Variants in ITGA3 observed in about 807,000 individuals in gnomAD.
ITGA3 encodes integrin subunit alpha 3.
ITGA3 carries 70 observed loss-of-function variants against 131.1 expected under a neutral mutation model. The ratio of observed to expected loss-of-function variants is 0.53; its 90% confidence interval spans 0.44 to 0.65. The LOEUF (loss-of-function observed/expected upper bound fraction) is 0.65. ITGA3 is among the 30% of genes least tolerant of loss of function. ITGA3 has a pLI of 0.00. For missense variants in ITGA3, 1,098 were observed against 1,388.6 expected (o/e 0.79, Z 3.33); for synonymous variants, 537 against 571.6 (o/e 0.94, Z 0.86).
At chr17:50,087,717 G>A in intron 23 of ITGA3, 27 bp from the exon 24 acceptor site, 1 of 1,603,844 alleles carries the variant, frequency 6.2e-7, no homozygotes, top group Non-Finnish European at 8.5e-7. Flanking sequence ...GCTGACACAG[G>A]GCTGAGTCCT....
chr17:50,078,362 A>T, intron 18 of ITGA3, 78 bp downstream of exon 18: 1 of 1,216,184 alleles, frequency 8.2e-7, no homozygotes, highest in East Asian at 2.3e-5. Flanking sequence ...GCTATCTCCC[A>T]AACTCCTCTG....
chr17:50,076,560 T>C lies in ITGA3; in HGVS notation c.1825-24T>C, dbSNP rs2301627. The C allele has an allele frequency of 0.16, 253,019 of 1,610,432 alleles. 26,730 individuals are homozygous for C. The highest frequency in any genetic ancestry group is 0.42 in the African/African-American group (31,684 of 74,848). On this transcript the variant is annotated intron_variant, in intron 13 of 25. Transcript: ENST00000320031. Reference sequence around the variant, plus strand: ...GGGCACTGGGGGGGGTGGTGCGGCCTTCACACCTCCGGCCACCCCCCAGGT... The same window carrying C: ...GGGCACTGGGGGGGGTGGTGCGGCCCTCACACCTCCGGCCACCCCCCAGGT...
intron 18 of ITGA3, 33 bp downstream of exon 18, chr17:50,078,317 C>T (rs998125220): frequency 6.4e-7 from 1 of 1,573,768 alleles, no homozygotes; most frequent in Admixed American, 1.7e-5. Flanking sequence ...CCCACCCCAG[C>T]CTGCTGTGCC....
Position 50,077,031 on chromosome 17 carries a change from C to A in ITGA3, c.1980C>A (p.Thr660=). The A allele has an allele frequency of 1.2e-6, 2 of 1,611,144 alleles. No individual in the cohort carries two copies. The highest frequency in any genetic ancestry group is 1.7e-6 in the Non-Finnish European group (2 of 1,178,594). The part of the protein sequence containing the change: ...KLLLSINVTN[T]RTSERSGEDA... ...TCCTGAGCATCAACGTGACGAACAC[C>A]CGGACCTCGGAGCGCTCCGGGGAGG... The change falls in exon 15 of 26, where the codon ACC becomes ACA. Residue 660 remains threonine, a synonymous_variant. Transcript: ENST00000320031.
chr17:50,081,702 G>T (rs1223183585), intron 23 of ITGA3, among the ~76,000 whole-genome samples: 1 of 152,204 alleles, frequency 6.6e-6, no homozygotes, highest in Non-Finnish European at 1.5e-5. Flanking sequence ...CCTCCATGAA[G>T]AGTAGGGCTG....
At position 50,056,733 on chromosome 17, in the gene ITGA3, G is replaced by T. The variant is rs1432751091; in HGVS notation, c.206+88G>T. 7.4e-7 allele frequency: 1 copy of T among 1,355,862 alleles called. No individual in the cohort carries two copies. Among genetic ancestry groups the T allele is most frequent in the African/African-American group, 1.5e-5 (1 of 68,444 alleles). The allele number at this position is 1,355,862 out of a possible 1,614,324, so 84.0% of individuals were successfully genotyped here. On this transcript the variant is annotated intron_variant, in intron 1 of 25. Coordinates refer to ENST00000320031, the MANE Select transcript of ITGA3 (RefSeq NM_002204.4). The surrounding 1 kb of genome is among the most constrained non-coding windows in gnomAD (Gnocchi z 5.6). ...CGGAGCTGAGTCGGAGCCCAGGGCA[G>T]CTGGCCCTTGGGAGCCAGGATTAAG...
At chr17:50,081,444 G>A in intron 23 of ITGA3, 36 bp downstream of exon 23, 1 of 1,455,352 alleles carries the variant, frequency 6.9e-7, no homozygotes, top group Non-Finnish European at 9.5e-7. Context: ...GCAGTCTCCA[G>A]CCAGAGCTTG....
At chr17:50,071,893 C>T in intron 6 of ITGA3, 93 bp from the exon 7 acceptor site, 1 of 1,165,754 alleles carries the variant, frequency 8.6e-7, no homozygotes, top group Non-Finnish European at 1.2e-6. Flanking sequence ...TTGCAGAGCC[C>T]TGTGCCCTGG....
chr17:50,067,253 C>T (rs1391592703), intron 3 of ITGA3, among the ~76,000 whole-genome samples: 2 of 152,206 alleles, frequency 1.3e-5, no homozygotes, highest in African/African-American at 2.4e-5. Context: ...AAACAAGAAC[C>T]AGGGCCTACT....
At position 50,056,173 on chromosome 17, in the gene ITGA3, C is replaced by A; in HGVS notation, c.-267C>A. 2.5e-6 allele frequency: 1 copy of A among 402,218 alleles called. No individual in the cohort carries two copies. The highest frequency in any genetic ancestry group is 4.4e-6 in the Non-Finnish European group (1 of 227,754). The allele number at this position is 402,218 out of a possible 1,614,324, so 24.9% of individuals were successfully genotyped here. ...GCCAAGGGGGCGCGGCCGGGACAAG[C>A]TGGGGGCCGGTTGCCCGGGGCAGGG... On this transcript the variant is annotated 5_prime_UTR_variant, in exon 1 of 26. The change creates a new upstream start codon in the 5' untranslated region. Transcript: ENST00000320031. This position sits in a 1 kb window ranked among gnomAD's most constrained non-coding sequence, Gnocchi z 5.6.
intron 23 of ITGA3, among the ~76,000 whole-genome samples, chr17:50,085,987 A>G (rs192016506): frequency 0.01 from 1,056 of 104,728 alleles, 96 homozygotes; most frequent in African/African-American, 0.023. Context: ...GATTTATAAT[A>G]TATATTAGAT....
intron 1 of ITGA3, among the ~76,000 whole-genome samples, chr17:50,059,877 G>A (rs148951059): frequency 2.0e-5 from 3 of 152,182 alleles, no homozygotes; most frequent in Non-Finnish European, 4.4e-5. Context: ...TTTATCTGAG[G>A]CTTAGCCAGG....
intron 12 of ITGA3, 128 bp downstream of exon 12, chr17:50,075,863 A>C: frequency 1.1e-6 from 1 of 940,624 alleles, no homozygotes; most frequent in Middle Eastern, 3.1e-4. Flanking sequence ...TCGGTTTGGA[A>C]GGCTATTGGT....
Position 50,076,471 on chromosome 17 carries a change from C to G in ITGA3, c.1820C>G (p.Thr607Ser). 2 of 1,608,816 alleles carry G rather than the reference C, an allele frequency of 1.2e-6. No individual in the cohort carries two copies. Among genetic ancestry groups the G allele is most frequent in the Non-Finnish European group, 1.7e-6 (2 of 1,179,942 alleles). Residue 607 changes from threonine to serine, a missense_variant, in exon 13 of 26, where the codon ACT becomes AGT. Physicochemically the swap from Thr to Ser is moderately conservative, Grantham distance 58 (BLOSUM62 1). Coordinates refer to ENST00000320031, the MANE Select transcript of ITGA3 (RefSeq NM_002204.4). ...LNQAQALENH[T>S]EVQFQKECGP... ...CAGGCACAGGCTCTGGAGAACCACA[C>G]TGAGGTGAGTGGGGCTGGCGCCTGG...
Position 50,076,641 on chromosome 17 carries a change from C to G in ITGA3, c.1882C>G (p.Arg628Gly). ...DNKCESNLQM[R>G]AAFVSEQQQK... ...CAAGTGTGAGAGCAACTTGCAGATG[C>G]GGGCAGCCTTCGTGTCAGAGCAGCA... The change falls in exon 14 of 26, where the codon CGG becomes GGG. Residue 628 changes from arginine to glycine, a missense_variant. Physicochemically the swap from Arg to Gly is moderately radical, Grantham distance 125. Around this residue, in one of 3 missense-constraint regions of ITGA3, gnomAD observed 699 missense variants for 829.2 expected, o/e 0.84. Transcript: ENST00000320031. The G allele has an allele frequency of 6.2e-7, 1 of 1,613,462 alleles. No homozygotes were observed. The highest frequency in any genetic ancestry group is 8.5e-7 in the Non-Finnish European group (1 of 1,179,872).
In ITGA3 at chr17:50,080,463, G is replaced by GGTGTGT. The variant is rs113441627; in HGVS notation, c.2820+126_2820+131dup. On this transcript the variant is annotated intron_variant, in intron 22 of 25. Transcript: ENST00000320031. ...AGGGCGAGTCCAGGGTCATAGCATG[G>GGTGTGT]GTGTGTGTGTGTGTGTGTGTGTGTG... is the stretch of plus-strand genomic sequence containing the variant. The GGTGTGT allele has an allele frequency of 1.7e-3, 848 of 506,240 alleles. 8 individuals carry two copies. The highest frequency in any genetic ancestry group is 0.016 in the African/African-American group (662 of 40,952). The allele number at this position is 506,240 out of a possible 1,614,324, so 31.4% of individuals were successfully genotyped here. A position where few individuals can be genotyped will look rare whatever the true frequency, so the allele number is the denominator to read the frequency against.
intron 4 of ITGA3, among the ~76,000 whole-genome samples, 200 bp from the exon 5 acceptor site, chr17:50,070,644 C>CAAAAAAAAAAAAA (rs59600840): frequency 1.4e-5 from 1 of 69,466 alleles, no homozygotes; most frequent in African/African-American, 5.0e-5. Context: ...AAGACTGTCT[C>CAAAAAAAAAAAAA]AAAAAAAAAA....
In ITGA3 at chr17:50,089,109, G is replaced by A. The variant is rs774274614; in HGVS notation, c.*32-1G>A. The A allele has an allele frequency of 1.9e-6, 3 of 1,611,906 alleles. No homozygotes were observed. The highest frequency in any genetic ancestry group is 2.5e-6 in the Non-Finnish European group (3 of 1,178,656). On this transcript the variant is annotated splice_acceptor_variant, in intron 25 of 25. Coordinates refer to ENST00000320031, the MANE Select transcript of ITGA3 (RefSeq NM_002204.4). LOFTEE classifies it low-confidence loss of function (3UTR_SPLICE). Reference sequence around the variant, plus strand: ...TCTTTCTCTTCTCCCTCCAACTCCAGTGTGACTTCTTTAAGCGGACCCGCT... The same window carrying A: ...TCTTTCTCTTCTCCCTCCAACTCCAATGTGACTTCTTTAAGCGGACCCGCT...
Position 50,076,395 on chromosome 17 carries a change from G to A in ITGA3, c.1744G>A (p.Asp582Asn), listed in dbSNP as rs1050911758. 4 of 1,612,820 alleles carry A rather than the reference G, an allele frequency of 2.5e-6. No individual in the cohort carries two copies. The African/African-American group carries it at 4.0e-5, about 16-fold the overall frequency. The change falls in exon 13 of 26, where the codon GAT (aspartate) becomes AAT (asparagine). Residue 582 changes from aspartate (D) to asparagine (N), a missense_variant. Around this residue, in one of 3 missense-constraint regions of ITGA3, gnomAD observed 699 missense variants for 829.2 expected, o/e 0.84. Transcript: ENST00000320031. ...MNYSLPLRMPDRPRLGLRSLD... is the reference protein window; with the variant it reads ...MNYSLPLRMPNRPRLGLRSLD... ...CTACTCTTTACCTTTGCGGATGCCC[G>A]ATCGCCCCCGGCTGGGGCTGCGGTC...
Sources: gnomAD v4.1 joint callset for allele counts (sites outside exome capture counted in the v4.1 genomes callset) on GRCh38, gnomAD v4.1.1 for gene constraint, gnomAD v4.1.1 regional missense constraint, Gnocchi (gnomAD v3.1) non-coding constraint, MANE v1.5 for transcripts, NCBI Gene and HGNC (gene_info 2026-07-23, HGNC 2026-07-21) for gene names.